Variants in PCDHGA6 observed in about 807,000 individuals in gnomAD.
PCDHGA6 encodes the protein protocadherin gamma-A6.
Under a neutral mutation model 60.6 loss-of-function variants are expected in PCDHGA6, and 41 were observed. That is an observed-to-expected ratio of 0.68 (90% CI 0.53 to 0.88). PCDHGA6 has a LOEUF of 0.88. Among genes scored for constraint, PCDHGA6 ranks in the 40% least tolerant of loss-of-function variants. The pLI is 0.00. For missense variants in PCDHGA6, 1,312 were observed against 1,203.0 expected, an observed-to-expected ratio of 1.09 and a Z score of -1.34; for synonymous variants, 594 against 524.4, an observed-to-expected ratio of 1.13 and a Z score of -1.81.
intron 1 of PCDHGA6, chr5:141,405,200 C>T (rs1458944760): frequency 2.5e-6 from 4 of 1,613,508 alleles, no homozygotes; most frequent in Non-Finnish European, 3.4e-6. Flanking sequence ...TCGAGCTTTC[C>T]TACAGACCTA....
At position 141,409,906 on chromosome 5, in the gene PCDHGA6, T is replaced by C. The variant is rs779572711; in HGVS notation, c.2424+33399T>C. Reference sequence around the variant, plus strand: ...CGCGGGTGCTGTACCCAGCTCTGGGTCCTGACGGCTCCGCGTTCTTCGATA... The same window carrying C: ...CGCGGGTGCTGTACCCAGCTCTGGGCCCTGACGGCTCCGCGTTCTTCGATA... On this transcript the variant is annotated intron_variant, in intron 1 of 3. Transcript: ENST00000517434. 6 of 1,613,214 alleles carry C rather than the reference T, an allele frequency of 3.7e-6. No homozygotes were observed. The South Asian group carries it at 6.6e-5, about 18-fold the overall frequency.
rs2154532733 is a variant in PCDHGA6, at chr5:141,403,281, T to C, written c.2424+26774T>C. ...TGTCTGGTGAACTTTAAAGTCCTGGTTGAAGACAGAGTGAAACTGTACGGA... is the reference window on the plus strand; with the variant it reads ...TGTCTGGTGAACTTTAAAGTCCTGGCTGAAGACAGAGTGAAACTGTACGGA... On this transcript the variant is annotated intron_variant, in intron 1 of 3. Transcript: ENST00000517434. The C allele has an allele frequency of 2.5e-6, 4 of 1,613,908 alleles. No individual in the cohort carries two copies. Among genetic ancestry groups the C allele is most frequent in the African/African-American group, 1.3e-5 (1 of 75,080 alleles).
At chr5:141,415,750 T>TTTG in intron 1 of PCDHGA6, 2 of 1,313,212 alleles carry the variant, frequency 1.5e-6, no homozygotes, top group African/African-American at 1.6e-5. Context: ...GTTTTTTTTT[T>TTTG]TTTTTTTTTT....
At position 141,373,993 on chromosome 5, in the gene PCDHGA6, G is replaced by A. The variant is rs1770007177; in HGVS notation, c.-91G>A. ...TCGCATCCGGTCTCTGCTTGTTGAAGGACCTTCACCGCTATTTCTGAGAAG... is the reference window on the plus strand; with the variant it reads ...TCGCATCCGGTCTCTGCTTGTTGAAAGACCTTCACCGCTATTTCTGAGAAG... On this transcript the variant is annotated 5_prime_UTR_variant, in exon 1 of 4. Coordinates refer to ENST00000517434, the MANE Select transcript of PCDHGA6 (RefSeq NM_018919.3). 3 of 1,234,728 alleles carry A rather than the reference G, an allele frequency of 2.4e-6. No homozygotes were observed. The Admixed American group carries it at 1.0e-4, about 42-fold the overall frequency. The allele number at this position is 1,234,728 out of a possible 1,614,324, so 76.5% of individuals were successfully genotyped here. A position where few individuals can be genotyped will look rare whatever the true frequency, so the allele number is the denominator to read the frequency against.
At position 141,490,938 on chromosome 5, in the gene PCDHGA6, C is replaced by T. The variant is rs2099706179; in HGVS notation, c.2425-3869C>T. ...ATGATAATGCCCCAGCTGTGCTGCA[C>T]CCACGGCCAGACTGGGAACACTCAG... On this transcript the variant is annotated intron_variant, in intron 1 of 3. Coordinates refer to ENST00000517434, the MANE Select transcript of PCDHGA6 (RefSeq NM_018919.3). This position sits in a 1 kb window ranked among gnomAD's most constrained non-coding sequence, Gnocchi z 5.4. 6.2e-7 allele frequency: 1 copy of T among 1,613,554 alleles called. No homozygotes were observed. Among genetic ancestry groups the T allele is most frequent in the African/African-American group, 1.3e-5 (1 of 74,934 alleles).
chr5:141,433,914 C>A (rs2097664630), intron 1 of PCDHGA6, among the ~76,000 whole-genome samples: 1 of 151,702 alleles, frequency 6.6e-6, no homozygotes, highest in Admixed American at 6.6e-5. Context: ...TTACAATCAC[C>A]TCCAAATGAA....
intron 1 of PCDHGA6, chr5:141,419,409 A>G: frequency 6.2e-7 from 1 of 1,613,462 alleles, no homozygotes; most frequent in Non-Finnish European, 8.5e-7. Flanking sequence ...GTGTTCGCGC[A>G]GCGCGCCTTC....
rs1167791830 is a variant in PCDHGA6 at position 141,420,032 on chromosome 5, G to A, written c.2424+43525G>A. 6.2e-7 allele frequency: 1 copy of A among 1,613,956 alleles called. No individual in the cohort carries two copies. Among genetic ancestry groups the A allele is most frequent in the Non-Finnish European group, 8.5e-7 (1 of 1,179,920 alleles). ...ACAGTCTTTCAGCCCTACTGCAGGA[G>A]ACTGCTTTGAGTCAGTTCTCTGCTC... On this transcript the variant is annotated intron_variant, in intron 1 of 3. Coordinates refer to ENST00000517434, the MANE Select transcript of PCDHGA6 (RefSeq NM_018919.3).
Position 141,485,967 on chromosome 5 carries a change from A to G in PCDHGA6, c.2425-8840A>G, listed in dbSNP as rs751904053. 2.5e-6 allele frequency: 4 copies of G among 1,614,194 alleles called. No individual in the cohort carries two copies. The South Asian group carries it at 4.4e-5, about 18-fold the overall frequency. On this transcript the variant is annotated intron_variant, in intron 1 of 3. Transcript: ENST00000517434. This position sits in a 1 kb window ranked among gnomAD's most constrained non-coding sequence, Gnocchi z 5.7. The stretch of plus-strand genomic sequence containing the variant: ...GCGGGCATGGTGCTCATCCAGCTCA[A>G]TGCCTCAGACCCGGACCTGGGTCCC...
intron 1 of PCDHGA6, among the ~76,000 whole-genome samples, chr5:141,381,074 T>C (rs1776971630): frequency 6.6e-6 from 1 of 152,250 alleles, no homozygotes; most frequent in Non-Finnish European, 1.5e-5. Flanking sequence ...AACTATGGAT[T>C]ATTTTGATAG....
At chr5:141,422,568 C>A (rs372115955) in intron 1 of PCDHGA6, 5 of 1,613,904 alleles carry the variant, frequency 3.1e-6, no homozygotes, top group Admixed American at 3.3e-5. Context: ...CAGATGACAA[C>A]GATAACCCTC....
Position 141,489,072 on chromosome 5 carries a change from AC to A in PCDHGA6, c.2425-5730del. The A allele has an allele frequency of 6.3e-6, 1 of 157,708 alleles. No individual in the cohort carries two copies. The highest frequency in any genetic ancestry group is 1.2e-5 in the Non-Finnish European group (1 of 83,994). The allele number at this position is 157,708 out of a possible 1,614,324, so 9.8% of individuals were successfully genotyped here. On this transcript the variant is annotated intron_variant, in intron 1 of 3. Coordinates refer to ENST00000517434, the MANE Select transcript of PCDHGA6 (RefSeq NM_018919.3). This position sits in a 1 kb window ranked among gnomAD's most constrained non-coding sequence, Gnocchi z 4.5. ...AATTCAGCTCCCCTCCCCCCTGCCC[AC>A]CCCCGCCACTCGGTGACTAAGAACT...
intron 1 of PCDHGA6, chr5:141,423,607 A>T (rs777606404): frequency 6.2e-7 from 1 of 1,612,176 alleles, no homozygotes; most frequent in Admixed American, 1.7e-5. Flanking sequence ...GCCACTCTTG[A>T]TAGCTGAAGA....
At chr5:141,452,760 G>C (rs920853226) in intron 1 of PCDHGA6, among the ~76,000 whole-genome samples, 1 of 152,120 alleles carries the variant, frequency 6.6e-6, no homozygotes, top group African/African-American at 2.4e-5. Context: ...AAGGAAGGGA[G>C]GGAGGGAAAA....
In PCDHGA6 at chr5:141,486,435, A is replaced by G. The variant is rs2099629501; in HGVS notation, c.2425-8372A>G. The G allele has an allele frequency of 6.2e-7, 1 of 1,614,118 alleles. No homozygotes were observed. Among genetic ancestry groups the G allele is most frequent in the Non-Finnish European group, 8.5e-7 (1 of 1,179,960 alleles). ...TTGGATCGAGAGGCCAAATCTAGCT[A>G]TGACATCATGGTCACTGCTTCTGAT... is the stretch of plus-strand genomic sequence containing the variant. On this transcript the variant is annotated intron_variant, in intron 1 of 3. Coordinates refer to ENST00000517434, the MANE Select transcript of PCDHGA6 (RefSeq NM_018919.3). This position sits in a 1 kb window ranked among gnomAD's most constrained non-coding sequence, Gnocchi z 5.0.
In PCDHGA6 at chr5:141,487,765, GC is replaced by G. The variant is rs2099665397; in HGVS notation, c.2425-7041del. The G allele has an allele frequency of 6.5e-7, 1 of 1,541,774 alleles. No individual in the cohort carries two copies. Among genetic ancestry groups the G allele is most frequent in the South Asian group, 1.2e-5 (1 of 83,146 alleles). On this transcript the variant is annotated intron_variant, in intron 1 of 3. Transcript: ENST00000517434. This position sits in a 1 kb window ranked among gnomAD's most constrained non-coding sequence, Gnocchi z 5.0. ...GAGGTAACTATGTGGTAGACGCTGT[GC>G]TTTGTAACTGTTTCGTGAATTAACC...
intron 1 of PCDHGA6, among the ~76,000 whole-genome samples, chr5:141,444,359 C>T (rs942218966): frequency 7.9e-5 from 12 of 151,582 alleles, no homozygotes; most frequent in East Asian, 7.7e-4. Context: ...TTAGTAGAGA[C>T]GGGGTTTCTC....
intron 1 of PCDHGA6, among the ~76,000 whole-genome samples, chr5:141,463,239 C>G (rs1012919667): frequency 1.3e-5 from 2 of 151,950 alleles, no homozygotes; most frequent in African/African-American, 4.8e-5. Context: ...CTTTGTGTAG[C>G]TCCATTCTCT....
chr5:141,439,190 CA>C (rs200519543), intron 1 of PCDHGA6, among the ~76,000 whole-genome samples: 2,445 of 111,432 alleles, frequency 0.022, 39 homozygotes, highest in African/African-American at 0.057. Flanking sequence ...GAGACTCTGA[CA>C]AAAAAAAAAA....
Sources: gnomAD v4.1 joint callset for allele counts (sites outside exome capture counted in the v4.1 genomes callset) on GRCh38, gnomAD v4.1.1 for gene constraint, Gnocchi (gnomAD v3.1) non-coding constraint, MANE v1.5 for transcripts, NCBI Gene and HGNC (gene_info 2026-07-23, HGNC 2026-07-21) for gene names.